GABRB1: variants seen among roughly 807,000 people sequenced by gnomAD.
GABRB1 encodes gamma-aminobutyric acid receptor subunit beta-1.
GABRB1 carries 17 observed loss-of-function variants against 51.6 expected under a neutral mutation model. The ratio of observed to expected loss-of-function variants is 0.33; its 90% CI spans 0.23 to 0.49. The LOEUF (loss-of-function observed/expected upper bound fraction) is 0.49, where lower values mean the gene tolerates loss of function less well. Ranked by LOEUF, GABRB1 falls within the 20% of genes least tolerant of loss-of-function variation. The pLI is 0.99. For synonymous variants in GABRB1, 247 were observed against 218.9 expected, an observed-to-expected ratio of 1.13 and a Z score of -1.14; for missense variants, 410 against 600.6, an observed-to-expected ratio of 0.68 and a Z score of 3.32.
intron 3 of GABRB1, among the ~76,000 whole-genome samples, chr4:47,160,686 T>G (rs1454731430): frequency 6.6e-6 from 1 of 152,062 alleles, no homozygotes; most frequent in Admixed American, 6.6e-5. Context: ...AAAATTCAAT[T>G]ACATCTATTT....
chr4:47,154,728 C>T (rs1248987263), intron 3 of GABRB1, among the ~76,000 whole-genome samples: 1 of 152,058 alleles, frequency 6.6e-6, no homozygotes, highest in Non-Finnish European at 1.5e-5. Flanking sequence ...AAGCACTGAA[C>T]GTGTTCAGAC....
intron 3 of GABRB1, among the ~76,000 whole-genome samples, chr4:47,067,510 C>G (rs1240794918): frequency 6.6e-6 from 1 of 152,146 alleles, no homozygotes; most frequent in African/African-American, 2.4e-5. Flanking sequence ...TTAGCTGAAT[C>G]TTCTGGATGA....
At chr4:47,053,193 T>C (rs1361847090) in intron 3 of GABRB1, among the ~76,000 whole-genome samples, 1 of 152,188 alleles carries the variant, frequency 6.6e-6, no homozygotes, top group Non-Finnish European at 1.5e-5. Flanking sequence ...TTCAGAATTA[T>C]CTGAAATTCA....
At chr4:47,191,070 C>T (rs1719423738) in intron 4 of GABRB1, among the ~76,000 whole-genome samples, 1 of 152,084 alleles carries the variant, frequency 6.6e-6, no homozygotes, top group East Asian at 1.9e-4. Flanking sequence ...TATTCTTTCT[C>T]TTGCCTGGAA....
intron 3 of GABRB1, among the ~76,000 whole-genome samples, chr4:47,054,456 A>G (rs1019998530): frequency 6.6e-6 from 1 of 152,210 alleles, no homozygotes; most frequent in Non-Finnish European, 1.5e-5. Context: ...ACCTTCATGA[A>G]TAGCAGCAGG....
intron 3 of GABRB1, among the ~76,000 whole-genome samples, chr4:47,090,262 T>C (rs924915235): frequency 6.6e-6 from 1 of 152,232 alleles, no homozygotes; most frequent in Non-Finnish European, 1.5e-5. Context: ...TCTAATGCAA[T>C]CAATTGTAAG....
intron 1 of GABRB1, among the ~76,000 whole-genome samples, chr4:47,001,603 A>C (rs1724220657): frequency 1.3e-5 from 2 of 152,208 alleles, no homozygotes; most frequent in African/African-American, 4.8e-5. Flanking sequence ...AGAAGAGGGA[A>C]TTCTGCCAGC....
At chr4:47,409,364 C>G (rs547889868) in intron 8 of GABRB1, among the ~76,000 whole-genome samples, 1 of 152,118 alleles carries the variant, frequency 6.6e-6, no homozygotes, top group East Asian at 1.9e-4. Context: ...GGAGGTGGCT[C>G]TCAGTGAGAT....
chr4:47,240,900 T>G (rs115617391), intron 4 of GABRB1, among the ~76,000 whole-genome samples: 247 of 152,260 alleles, frequency 1.6e-3, no homozygotes, highest in African/African-American at 5.8e-3. Context: ...TTCTTCCCCA[T>G]TTTTCCTCTT....
intron 5 of GABRB1, among the ~76,000 whole-genome samples, chr4:47,366,748 G>A (rs568441832): frequency 2.0e-4 from 30 of 152,200 alleles, no homozygotes; most frequent in African/African-American, 5.8e-4. Flanking sequence ...GATGACATTC[G>A]TAATTTTCCT....
At chr4:47,326,352 C>T (rs1380122640) in intron 5 of GABRB1, among the ~76,000 whole-genome samples, 2 of 152,144 alleles carry the variant, frequency 1.3e-5, no homozygotes, top group African/African-American at 2.4e-5. Context: ...TATCATCTCA[C>T]ATTACAAGAA....
intron 3 of GABRB1, among the ~76,000 whole-genome samples, chr4:47,125,264 A>G (rs896587975): frequency 2.6e-5 from 4 of 152,144 alleles, no homozygotes; most frequent in Admixed American, 1.3e-4. Flanking sequence ...TCAGACAAAT[A>G]AAAGCTGAAA....
chr4:47,366,908 T>C (rs1325980941), intron 5 of GABRB1, among the ~76,000 whole-genome samples: 1 of 152,206 alleles, frequency 6.6e-6, no homozygotes, highest in Non-Finnish European at 1.5e-5. Context: ...AATTTTTTTC[T>C]GAGATTTTGT....
Position 47,031,748 on chromosome 4 carries a change from G to T in GABRB1, c.80+17G>T. On this transcript the variant is annotated intron_variant, in intron 1 of 8. Coordinates refer to ENST00000295454, the MANE Select transcript of GABRB1 (RefSeq NM_000812.4). Reference sequence around the variant, plus strand: ...TGCACACAGGTGAGCTGCTGTTGTTGAATCTCGCTCTCTCTCTCTCTCTCT... The same window carrying T: ...TGCACACAGGTGAGCTGCTGTTGTTTAATCTCGCTCTCTCTCTCTCTCTCT... The T allele has an allele frequency of 6.4e-7, 1 of 1,572,104 alleles. No homozygotes were observed. The highest frequency in any genetic ancestry group is 1.7e-4 in the Middle Eastern group (1 of 5,998).
At chr4:47,305,517 A>T (rs1578080851) in intron 4 of GABRB1, among the ~76,000 whole-genome samples, 1 of 152,110 alleles carries the variant, frequency 6.6e-6, no homozygotes, top group Non-Finnish European at 1.5e-5. Flanking sequence ...TGTGTCAGAC[A>T]CTGAGCTGGG....
chr4:47,140,093 A>AACACACACAC (rs67749563), intron 3 of GABRB1, among the ~76,000 whole-genome samples: 2 of 135,326 alleles, frequency 1.5e-5, no homozygotes, highest in African/African-American at 5.6e-5. Context: ...AAATTAAATT[A>AACACACACAC]ACACACACAC....
intron 4 of GABRB1, among the ~76,000 whole-genome samples, chr4:47,248,583 C>A (rs1266321460): frequency 2.0e-5 from 3 of 152,118 alleles, no homozygotes; most frequent in African/African-American, 4.8e-5. Flanking sequence ...AGGATTGGTA[C>A]CAATTCTTCT....
At chr4:47,154,289 T>C (rs1408881212) in intron 3 of GABRB1, among the ~76,000 whole-genome samples, 1 of 145,902 alleles carries the variant, frequency 6.9e-6, no homozygotes, top group Non-Finnish European at 1.5e-5. Context: ...CTAAGGGGCG[T>C]TTCTTTTTAC....
intron 4 of GABRB1, among the ~76,000 whole-genome samples, chr4:47,233,971 A>T (rs1255681771): frequency 1.3e-5 from 2 of 152,172 alleles, no homozygotes; most frequent in African/African-American, 4.8e-5. Context: ...ACTTCATGAA[A>T]CCTAATGATT....
Sources: allele counts gnomAD v4.1 joint callset (sites outside exome capture counted in the v4.1 genomes callset), GRCh38; gene constraint gnomAD v4.1.1; transcripts MANE v1.5; gene names NCBI Gene and HGNC (gene_info 2026-07-23, HGNC 2026-07-21).